Variants in CTNNA2 observed in about 807,000 individuals in gnomAD.
The protein encoded by CTNNA2 is catenin alpha-2.
In CTNNA2, 42 loss-of-function variants were observed where a neutral mutation model predicts 101.0. That is an observed-to-expected ratio of 0.42 (90% CI 0.32 to 0.54). CTNNA2 has a LOEUF of 0.54. Ranked by LOEUF, CTNNA2 falls within the 20% of genes least tolerant of loss-of-function variation. CTNNA2 has a pLI of 0.14. For missense variants in CTNNA2, 871 were observed against 1,223.1 expected, an observed-to-expected ratio of 0.71 and a Z score of 4.29; for synonymous variants, 450 against 456.4, an observed-to-expected ratio of 0.99 and a Z score of 0.18.
At chr2:79,673,265 ATTCT>A (rs1364036333) in intron 2 of CTNNA2, among the ~76,000 whole-genome samples, 1 of 151,996 alleles carries the variant, frequency 6.6e-6, no homozygotes, top group Non-Finnish European at 1.5e-5. Context: ...ATACCTCATT[ATTCT>A]TTCAGTGGAT....
intron 7 of CTNNA2, among the ~76,000 whole-genome samples, chr2:80,239,919 A>C (rs190191918): frequency 6.6e-6 from 1 of 152,092 alleles, no homozygotes; most frequent in Admixed American, 6.5e-5. Context: ...TCTCAAAAAA[A>C]AAAACAAAAA....
chr2:79,657,375 A>G (rs1338341304), intron 2 of CTNNA2, among the ~76,000 whole-genome samples: 1 of 151,868 alleles, frequency 6.6e-6, no homozygotes, highest in Non-Finnish European at 1.5e-5. Flanking sequence ...AAAATAAATT[A>G]CTAAAATATT....
chr2:79,455,270 T>C (rs1356580219), intron 4 of CTNNA2, among the ~76,000 whole-genome samples: 2 of 152,194 alleles, frequency 1.3e-5, no homozygotes, highest in African/African-American at 4.8e-5. Flanking sequence ...GGGATGTTGC[T>C]AAATAGCATA....
intron 7 of CTNNA2, among the ~76,000 whole-genome samples, chr2:80,174,402 C>T (rs906595664): frequency 6.6e-6 from 1 of 152,172 alleles, no homozygotes; most frequent in African/African-American, 2.4e-5. Context: ...CTCACCCTGA[C>T]TCCTAGTTAT....
At chr2:79,610,861 AT>A (rs1678225227) in intron 1 of CTNNA2, among the ~76,000 whole-genome samples, 1 of 152,118 alleles carries the variant, frequency 6.6e-6, no homozygotes, top group Non-Finnish European at 1.5e-5. Flanking sequence ...TTGTACTAGA[AT>A]AAAGTTGTTA....
intron 4 of CTNNA2, among the ~76,000 whole-genome samples, chr2:79,403,001 T>C (rs935231680): frequency 6.6e-6 from 1 of 151,806 alleles, no homozygotes; most frequent in Non-Finnish European, 1.5e-5. Flanking sequence ...TAAATGCCTA[T>C]ATTTAAAAAG....
chr2:80,457,677 A>T (rs746108581), intron 9 of CTNNA2, among the ~76,000 whole-genome samples: 2 of 152,088 alleles, frequency 1.3e-5, no homozygotes, highest in Non-Finnish European at 2.9e-5. Flanking sequence ...TAGAGTAAAC[A>T]CTATATTGAG....
chr2:80,548,177 A>AG (rs1458430949), intron 11 of CTNNA2, among the ~76,000 whole-genome samples: 13 of 152,216 alleles, frequency 8.5e-5, no homozygotes, highest in African/African-American at 3.1e-4. Context: ...GTATATGGTC[A>AG]GTTTTTTTCC....
intron 7 of CTNNA2, among the ~76,000 whole-genome samples, chr2:80,323,611 CT>C (rs1205037228): frequency 6.6e-6 from 1 of 151,258 alleles, no homozygotes; most frequent in Admixed American, 6.6e-5. Context: ...TCTCTCTGTA[CT>C]TTCATCCTCT....
intron 2 of CTNNA2, among the ~76,000 whole-genome samples, chr2:79,268,872 T>G (rs557530261): frequency 1.6e-4 from 24 of 152,264 alleles, no homozygotes; most frequent in Middle Eastern, 3.4e-3. Flanking sequence ...GGTTTCGATG[T>G]GTCCATTTTT....
rs116308970 is a variant in CTNNA2 at position 79,659,700 on chromosome 2, T to C, written c.102+8042T>C. On this transcript the variant is annotated intron_variant, in intron 2 of 18. Transcript: ENST00000402739. ...AAAAGTATTTCAGATTATGTGTCTTTAAAGAAAGTTTTGGGGCCAGGAGCA... is the reference window on the plus strand; with the variant it reads ...AAAAGTATTTCAGATTATGTGTCTTCAAAGAAAGTTTTGGGGCCAGGAGCA... Among the ~76,000 whole-genome samples the C allele has an allele frequency of 9.8e-3, 1,499 of 152,324 alleles. 23 individuals carry two copies. The highest frequency in any genetic ancestry group is 0.034 in the African/African-American group (1,432 of 41,560).
In CTNNA2 at chr2:80,555,321, C is replaced by T. The variant is rs536107168; in HGVS notation, c.1541-372C>T. ...GGCCCTGTCGTGTGTAAGTATCAAA[C>T]TTCAAAACAAAGGAAGGGATATTCT... On this transcript the variant is annotated intron_variant, in intron 11 of 18. Transcript: ENST00000402739. Among the ~76,000 whole-genome samples, 11 of 152,298 alleles carry T rather than the reference C, an allele frequency of 7.2e-5. No homozygotes were observed. The South Asian group carries it at 2.1e-3, about 29-fold the overall frequency.
intron 3 of CTNNA2, among the ~76,000 whole-genome samples, chr2:79,754,975 G>A (rs1020260617): frequency 2.0e-5 from 3 of 152,062 alleles, no homozygotes; most frequent in Non-Finnish European, 4.4e-5. Flanking sequence ...TCCCTCTACG[G>A]ATCTCACTTC....
chr2:79,201,165 C>T (rs530912284), intron 2 of CTNNA2, among the ~76,000 whole-genome samples: 9 of 151,848 alleles, frequency 5.9e-5, no homozygotes, highest in South Asian at 4.2e-4. Context: ...CTTCAGATTT[C>T]GTCAAGTCAG....
At chr2:80,522,108 CT>C (rs1258105687) in intron 9 of CTNNA2, among the ~76,000 whole-genome samples, 3 of 152,190 alleles carry the variant, frequency 2.0e-5, no homozygotes, top group Non-Finnish European at 4.4e-5. Flanking sequence ...CTGTGTTTCT[CT>C]TAAGTGTGTT....
intron 7 of CTNNA2, among the ~76,000 whole-genome samples, chr2:80,070,077 C>G (rs1402780285): frequency 6.6e-6 from 1 of 152,222 alleles, no homozygotes; most frequent in Admixed American, 6.5e-5. Context: ...CTGGATCAAT[C>G]AGCCCAGCCA....
At position 80,313,343 on chromosome 2, in the gene CTNNA2, T is replaced by C. The variant is rs539421604; in HGVS notation, c.1057-79868T>C. 1.2e-3 allele frequency: 1,547 copies of C among 1,327,734 alleles called. 1 individual carries two copies. The highest frequency in any genetic ancestry group is 1.4e-3 in the Non-Finnish European group (1,483 of 1,034,870). The allele number at this position is 1,327,734 out of a possible 1,614,324, so 82.2% of individuals were successfully genotyped here. On this transcript the variant is annotated intron_variant, in intron 7 of 18. Coordinates refer to ENST00000402739, the MANE Select transcript of CTNNA2 (RefSeq NM_001282597.3). ...TGTTTGCTGCTATTCTTGTTTTTGTTCATTTGTTGTAAGTCAGATGGAATT... is the reference window on the plus strand; with the variant it reads ...TGTTTGCTGCTATTCTTGTTTTTGTCCATTTGTTGTAAGTCAGATGGAATT...
rs559517615 is a variant in CTNNA2, at chr2:79,877,022, C to G, written c.852+2680C>G. On this transcript the variant is annotated intron_variant, in intron 6 of 18. Transcript: ENST00000402739. ...CTAACTATATTTTATTAACTTTAAACTTCTATATTAACTAATTATATTACT... is the reference window on the plus strand; with the variant it reads ...CTAACTATATTTTATTAACTTTAAAGTTCTATATTAACTAATTATATTACT... Among the ~76,000 whole-genome samples the G allele has an allele frequency of 9.8e-4, 149 of 151,348 alleles. 1 individual carries two copies. The highest frequency in any genetic ancestry group is 3.4e-3 in the African/African-American group (139 of 41,320).
chr2:79,700,670 G>A (rs1684944747), intron 2 of CTNNA2, among the ~76,000 whole-genome samples: 1 of 152,160 alleles, frequency 6.6e-6, no homozygotes, highest in Non-Finnish European at 1.5e-5. Context: ...AGCACCCCAT[G>A]TTTGTCACGG....
Sources: gnomAD v4.1 joint callset for allele counts (sites outside exome capture counted in the v4.1 genomes callset) on GRCh38, gnomAD v4.1.1 for gene constraint, MANE v1.5 for transcripts, NCBI Gene and HGNC (gene_info 2026-07-23, HGNC 2026-07-21) for gene names.